FRMD5: variants seen among roughly 807,000 people sequenced by gnomAD.
The protein encoded by FRMD5 is FERM domain containing 5, also known as FERM domain-containing protein 5.
A neutral mutation model predicts 69.0 loss-of-function variants in FRMD5; 20 were observed. The observed-to-expected ratio is 0.29, with a 90% confidence interval of 0.20 to 0.42. The LOEUF (loss-of-function observed/expected upper bound fraction) is 0.42, where lower values mean the gene tolerates loss of function less well. Ranked by LOEUF, FRMD5 falls within the 10% of genes least tolerant of loss-of-function variation. The probability of loss-of-function intolerance (pLI) is 1.00; values close to 1 mark genes in which losing one functional copy is unlikely to be tolerated. For missense variants in FRMD5, 595 were observed against 708.6 expected (o/e 0.84, Z 1.82); for synonymous variants, 271 against 260.1 (o/e 1.04, Z -0.40).
rs149812776 is a variant in FRMD5, at chr15:43,876,927, A to T, written c.1136-2465T>A. ...AGGAGGAAGGGGTATTCTATCCCCT[A>T]AAACTACCCATTATCTCTTCTCTCT... On this transcript the variant is annotated intron_variant, in intron 13 of 13. Coordinates refer to ENST00000417257, the MANE Select transcript of FRMD5 (RefSeq NM_032892.5). Among the ~76,000 whole-genome samples, 1,047 of 152,294 alleles carry T rather than the reference A, an allele frequency of 6.9e-3. 21 individuals are homozygous for T. The highest frequency in any genetic ancestry group is 5.6e-3 in the Non-Finnish European group (379 of 68,010).
At chr15:44,072,500 T>C (rs980935232) in intron 1 of FRMD5, among the ~76,000 whole-genome samples, 3 of 152,148 alleles carry the variant, frequency 2.0e-5, no homozygotes, top group Non-Finnish European at 4.4e-5. Flanking sequence ...AAAAAAAAGA[T>C]TACTATAAAA....
intron 1 of FRMD5, among the ~76,000 whole-genome samples, chr15:44,189,879 G>A (rs1453766429): frequency 6.6e-6 from 1 of 152,164 alleles, no homozygotes; most frequent in East Asian, 1.9e-4. Context: ...ATAGACATAT[G>A]AATTGGCGAT....
chr15:43,961,683 T>C (rs369216960), intron 1 of FRMD5, among the ~76,000 whole-genome samples: 1 of 152,112 alleles, frequency 6.6e-6, no homozygotes, highest in Non-Finnish European at 1.5e-5. Context: ...GAATCCAGCA[T>C]CACATCAAAA....
In FRMD5 at chr15:43,973,106, A is replaced by T. The variant is rs184330713; in HGVS notation, c.103-48797T>A. Among the ~76,000 whole-genome samples the T allele has an allele frequency of 3.3e-3, 493 of 150,834 alleles. 6 individuals carry two copies. Among genetic ancestry groups the T allele is most frequent in the African/African-American group, 0.011 (449 of 41,100 alleles). The stretch of plus-strand genomic sequence containing the variant: ...GGCGCGATCTCGGCTCACTGCAAGC[A>T]CTGCCTCCCGGGTTCACGCCATTCT... On this transcript the variant is annotated intron_variant, in intron 1 of 13. Transcript: ENST00000417257.
chr15:43,946,650 GAGA>G (rs2089952114), intron 1 of FRMD5, among the ~76,000 whole-genome samples: 1 of 152,184 alleles, frequency 6.6e-6, no homozygotes, highest in South Asian at 2.1e-4. Flanking sequence ...GTGTTCAGGA[GAGA>G]AGGTTTGGGA....
chr15:43,977,702 C>T (rs1249321166), intron 1 of FRMD5, among the ~76,000 whole-genome samples: 1 of 152,182 alleles, frequency 6.6e-6, no homozygotes. Flanking sequence ...AGGCGTTCTG[C>T]AATTTTTCTG....
At chr15:44,108,372 C>T (rs2076749054) in intron 1 of FRMD5, among the ~76,000 whole-genome samples, 3 of 152,222 alleles carry the variant, frequency 2.0e-5, no homozygotes, top group Admixed American at 1.3e-4. Context: ...AGGCCAGGCG[C>T]GGTGGCTCAT....
chr15:44,121,200 T>C (rs2076944835), intron 1 of FRMD5, among the ~76,000 whole-genome samples: 1 of 136,362 alleles, frequency 7.3e-6, no homozygotes, highest in South Asian at 2.2e-4. Context: ...CAATGTCGAA[T>C]AGTGCAAAAA....
chr15:44,166,309 G>A (rs1489611485), intron 1 of FRMD5, among the ~76,000 whole-genome samples: 1 of 152,062 alleles, frequency 6.6e-6, no homozygotes, highest in African/African-American at 2.4e-5. Context: ...TGATGGTGGT[G>A]GTGATTATTA....
intron 1 of FRMD5, among the ~76,000 whole-genome samples, chr15:43,950,461 G>A (rs1298008355): frequency 2.0e-5 from 3 of 152,202 alleles, no homozygotes; most frequent in African/African-American, 7.2e-5. Flanking sequence ...AGTCCTTGGG[G>A]ATGATGATTC....
chr15:43,919,823 C>T lies in FRMD5; in HGVS notation c.208-14G>A, dbSNP rs200245404. The T allele has an allele frequency of 1.9e-6, 3 of 1,612,584 alleles. No individual in the cohort carries two copies. ...TTCCAGCCAATGCTGAAACAGAGAA[C>T]ACAGAACATGAAAACCCTAATGAGA... On this transcript the variant is annotated splice_polypyrimidine_tract_variant and intron_variant, in intron 2 of 13. Transcript: ENST00000417257.
intron 1 of FRMD5, among the ~76,000 whole-genome samples, chr15:44,085,631 T>G (rs1021020483): frequency 6.6e-6 from 1 of 152,148 alleles, no homozygotes; most frequent in Non-Finnish European, 1.5e-5. Context: ...CATTATCTTA[T>G]AGGCATAGAG....
chr15:44,181,679 A>C (rs2078004104), intron 1 of FRMD5, among the ~76,000 whole-genome samples: 1 of 152,048 alleles, frequency 6.6e-6, no homozygotes, highest in South Asian at 2.1e-4. Flanking sequence ...ACGTGGGAGG[A>C]TTACTTGAGT....
At chr15:44,099,505 A>T (rs967051612) in intron 1 of FRMD5, among the ~76,000 whole-genome samples, 2 of 151,162 alleles carry the variant, frequency 1.3e-5, no homozygotes, top group African/African-American at 2.4e-5. Flanking sequence ...GTTAAAACTG[A>T]AAAAAAAATG....
chr15:44,048,927 G>T (rs74493081), intron 1 of FRMD5, among the ~76,000 whole-genome samples: 1,921 of 152,214 alleles, frequency 0.013, 36 homozygotes, highest in African/African-American at 0.039. Flanking sequence ...CATATACCTA[G>T]AAATCCACTG....
intron 1 of FRMD5, among the ~76,000 whole-genome samples, chr15:44,035,544 C>T (rs1891869639): frequency 6.6e-6 from 1 of 152,152 alleles, no homozygotes; most frequent in African/African-American, 2.4e-5. Flanking sequence ...CATTTGAAGG[C>T]ATCAAAATCC....
At chr15:43,963,741 T>C (rs1270537880) in intron 1 of FRMD5, among the ~76,000 whole-genome samples, 2 of 152,012 alleles carry the variant, frequency 1.3e-5, no homozygotes, top group African/African-American at 4.8e-5. Context: ...AAATGATGAG[T>C]TCATGCACTT....
upstream of FRMD5, among the ~76,000 whole-genome samples, chr15:44,198,347 A>G (rs1485292937): frequency 6.6e-6 from 1 of 150,606 alleles, no homozygotes; most frequent in Non-Finnish European, 1.5e-5. Context: ...AAAAAAAGGA[A>G]TTAAAAAAAA....
chr15:44,000,456 T>G lies in FRMD5; in HGVS notation c.103-76147A>C, dbSNP rs547255589. ...TGGGATTGCTGGATCACATGGTAGT[T>G]CTATTTTTTTTTTTTTTTCTTGAGA... On this transcript the variant is annotated intron_variant, in intron 1 of 13. Coordinates refer to ENST00000417257, the MANE Select transcript of FRMD5 (RefSeq NM_032892.5). Among the ~76,000 whole-genome samples the G allele has an allele frequency of 7.2e-5, 11 of 151,848 alleles. No individual in the cohort carries two copies. In the South Asian group the frequency reaches 2.3e-3, roughly 32 times the overall value.
Sources: gnomAD v4.1 joint callset for allele counts (sites outside exome capture counted in the v4.1 genomes callset) on GRCh38, gnomAD v4.1.1 for gene constraint, MANE v1.5 for transcripts, NCBI Gene and HGNC (gene_info 2026-07-23, HGNC 2026-07-21) for gene names.